The following RERE variants were observed in gnomAD, a reference collection of about 807,000 sequenced individuals.
The protein encoded by RERE is arginine-glutamic acid dipeptide repeats protein.
Under a neutral mutation model 146.1 loss-of-function variants are expected in RERE, and 40 were observed. That is an observed-to-expected ratio of 0.27 (90% CI 0.21 to 0.36). The LOEUF is 0.36. Among genes scored for constraint, RERE ranks in the 10% least tolerant of loss-of-function variants. The pLI is 1.00. For missense variants in RERE, 1,933 were observed against 2,138.7 expected, an observed-to-expected ratio of 0.90 and a Z score of 1.90; for synonymous variants, 1,003 against 866.0, an observed-to-expected ratio of 1.16 and a Z score of -2.78.
intron 10 of RERE, among the ~76,000 whole-genome samples, chr1:8,467,653 C>CT (rs966069139): frequency 5.3e-5 from 8 of 151,400 alleles, no homozygotes; most frequent in South Asian, 2.1e-4. Flanking sequence ...TTATTTTTTT[C>CT]TTTTTTTTTG....
At chr1:8,460,613 C>T (rs2124107173) in intron 11 of RERE, among the ~76,000 whole-genome samples, 1 of 152,190 alleles carries the variant, frequency 6.6e-6, no homozygotes, top group African/African-American at 2.4e-5. Context: ...TTGTTCACCT[C>T]AATGTATTAC....
In RERE at chr1:8,367,647, C is replaced by T. The variant is rs115944856; in HGVS notation, c.1285-1673G>A. 3.9e-3 allele frequency among the ~76,000 whole-genome samples: 592 copies of T among 152,308 alleles called. 5 individuals carry two copies. Among genetic ancestry groups the T allele is most frequent in the African/African-American group, 0.014 (573 of 41,546 alleles). ...CCCTACACGTATGTGCATGTGCCCA[C>T]CCCTCGGTTCCATGAGATGGTAACT... On this transcript the variant is annotated intron_variant, in intron 12 of 22. Transcript: ENST00000400908.
intron 2 of RERE, among the ~76,000 whole-genome samples, chr1:8,653,489 C>T (rs1453345165): frequency 2.6e-5 from 4 of 152,002 alleles, no homozygotes; most frequent in East Asian, 1.9e-4. Flanking sequence ...GGGTAGATCA[C>T]GAGGTCAGGA....
At chr1:8,665,273 C>T (rs1174552822) in intron 1 of RERE, among the ~76,000 whole-genome samples, 2 of 152,204 alleles carry the variant, frequency 1.3e-5, no homozygotes, top group Non-Finnish European at 2.9e-5. Flanking sequence ...TGTAACTTTA[C>T]ATTTACTTGT....
chr1:8,414,540 A>G (rs1643709479), intron 12 of RERE, among the ~76,000 whole-genome samples: 1 of 152,136 alleles, frequency 6.6e-6, no homozygotes, highest in Non-Finnish European at 1.5e-5. Flanking sequence ...TGGGCAACAG[A>G]GGGAGATTCC....
intron 1 of RERE, among the ~76,000 whole-genome samples, chr1:8,709,448 C>T (rs1639624737): frequency 6.6e-6 from 1 of 151,908 alleles, no homozygotes; most frequent in African/African-American, 2.4e-5. Flanking sequence ...AGTATATGGT[C>T]CTACGGAAAA....
intron 1 of RERE, among the ~76,000 whole-genome samples, chr1:8,758,363 G>A (rs2124526453): frequency 6.7e-6 from 1 of 150,336 alleles, no homozygotes; most frequent in African/African-American, 2.4e-5. Flanking sequence ...ACACACGTGT[G>A]AGCCACCGTG....
intron 12 of RERE, among the ~76,000 whole-genome samples, chr1:8,367,881 G>C (rs559061623): frequency 1.9e-4 from 29 of 152,296 alleles, no homozygotes; most frequent in Admixed American, 1.9e-3. Flanking sequence ...TTGGGTGTTG[G>C]CTAGACGGAA....
intron 4 of RERE, among the ~76,000 whole-genome samples, chr1:8,564,803 T>G (rs1186411486): frequency 6.7e-6 from 1 of 150,352 alleles, no homozygotes; most frequent in Non-Finnish European, 1.5e-5. Context: ...AAATGTGGTG[T>G]GTGTGTATGT....
At chr1:8,748,780 A>T (rs1640473880) in intron 1 of RERE, among the ~76,000 whole-genome samples, 1 of 152,210 alleles carries the variant, frequency 6.6e-6, no homozygotes, top group Non-Finnish European at 1.5e-5. Flanking sequence ...CAAGGACCTC[A>T]TCAGACCTAG....
At chr1:8,422,410 T>C (rs983986859) in intron 12 of RERE, among the ~76,000 whole-genome samples, 6 of 152,264 alleles carry the variant, frequency 3.9e-5, no homozygotes, top group Non-Finnish European at 7.3e-5. Flanking sequence ...CCAGCCACTA[T>C]GTTTAAAATT....
At chr1:8,511,082 A>G (rs1309557366) in intron 7 of RERE, among the ~76,000 whole-genome samples, 1 of 152,054 alleles carries the variant, frequency 6.6e-6, no homozygotes, top group African/African-American at 2.4e-5. Context: ...TTAATAAGCC[A>G]ATTTATCATC....
At chr1:8,638,783 A>ATTTTTTTTTTTTTT (rs34276909) in intron 2 of RERE, among the ~76,000 whole-genome samples, 4 of 100,334 alleles carry the variant, frequency 4.0e-5, no homozygotes, top group African/African-American at 1.7e-4. Flanking sequence ...ACGAAAAAAA[A>ATTTTTTTTTTTTTT]TTTTTTTTTT....
intron 4 of RERE, among the ~76,000 whole-genome samples, chr1:8,592,690 T>C (rs1170881614): frequency 6.6e-6 from 1 of 152,124 alleles, no homozygotes; most frequent in African/African-American, 2.4e-5. Flanking sequence ...AAGACTAGCC[T>C]GGGAAACATA....
At chr1:8,736,044 T>G (rs2124494780) in intron 1 of RERE, among the ~76,000 whole-genome samples, 1 of 152,270 alleles carries the variant, frequency 6.6e-6, no homozygotes, top group African/African-American at 2.4e-5. Flanking sequence ...CACAAAGAAA[T>G]GGATAGAGGA....
At chr1:8,787,660 G>T (rs966138919) in intron 1 of RERE, among the ~76,000 whole-genome samples, 1 of 151,726 alleles carries the variant, frequency 6.6e-6, no homozygotes, top group East Asian at 1.9e-4. Context: ...GTGAAACCTC[G>T]TCTCTACTAA....
chr1:8,520,748 A>C (rs1645482586), intron 7 of RERE, among the ~76,000 whole-genome samples: 1 of 57,164 alleles, frequency 1.7e-5, no homozygotes, highest in Non-Finnish European at 3.9e-5. Context: ...CAGCCAAAAA[A>C]CTTTTTAAAA....
chr1:8,371,017 G>A (rs1259024987), intron 12 of RERE, among the ~76,000 whole-genome samples: 1 of 152,068 alleles, frequency 6.6e-6, no homozygotes, highest in East Asian at 1.9e-4. Flanking sequence ...CTCACAACAA[G>A]GTCTCACAGT....
rs916103964 is a variant in RERE at position 8,360,977 on chromosome 1, G to A, written c.2530C>T (p.Pro844Ser). 2.0e-5 allele frequency: 29 copies of A among 1,445,918 alleles called. No homozygotes were observed. Among genetic ancestry groups the A allele is most frequent in the South Asian group, 1.4e-4 (10 of 68,994 alleles). 89.6% of individuals were successfully genotyped at this position (1,445,918 alleles called of 1,614,324 possible). A position where few individuals can be genotyped will look rare whatever the true frequency, so the allele number is the denominator to read the frequency against. ...GQPSAPSHAQ[P>S]PLHGQGPPGP... ...GGTGGGCCCTGACCGTGCAGTGGGG[G>A]CTGGGCATGAGAGGGTGCAGAAGGC... Residue 844 changes from proline to serine, a missense_variant, in exon 18 of 23, where the codon CCC becomes TCC. This residue lies in a region of RERE where 1,255 missense variants were observed against 1,153.8 expected (regional missense o/e 1.09). Coordinates refer to ENST00000400908, the MANE Select transcript of RERE (RefSeq NM_001042681.2).
Sources: allele counts gnomAD v4.1 joint callset (sites outside exome capture counted in the v4.1 genomes callset), GRCh38; gene constraint gnomAD v4.1.1; regional missense constraint gnomAD v4.1.1; transcripts MANE v1.5; gene names NCBI Gene and HGNC (gene_info 2026-07-23, HGNC 2026-07-21).